VPS13D: variants seen among roughly 807,000 people sequenced by gnomAD.
The protein encoded by VPS13D is intermembrane lipid transfer protein VPS13D.
Under a neutral mutation model 461.9 loss-of-function variants are expected in VPS13D, and 187 were observed. The ratio of observed to expected loss-of-function variants is 0.40; its 90% CI spans 0.36 to 0.46. The LOEUF is 0.46. Ranked by LOEUF, VPS13D falls within the 20% of genes least tolerant of loss-of-function variation. The pLI is 0.60. For synonymous variants in VPS13D, 1,951 were observed against 1,986.3 expected, an observed-to-expected ratio of 0.98 and a Z score of 0.47; for missense variants, 4,711 against 5,364.9, an observed-to-expected ratio of 0.88 and a Z score of 3.81.
rs929933848 is a variant in VPS13D, at chr1:12,507,409, C to T, written c.13035+316C>T. The T allele has an allele frequency of 3.6e-6, 2 of 559,790 alleles. No homozygotes were observed. The highest frequency in any genetic ancestry group is 6.9e-6 in the Non-Finnish European group (2 of 289,526). The allele number at this position is 559,790 out of a possible 1,614,324, so 34.7% of individuals were successfully genotyped here. A position where few individuals can be genotyped will look rare whatever the true frequency, so the allele number is the denominator to read the frequency against. On this transcript the variant is annotated intron_variant, in intron 69 of 69. Coordinates refer to ENST00000620676, the MANE Select transcript of VPS13D (RefSeq NM_015378.4). The surrounding 1 kb of genome is among the most constrained non-coding windows in gnomAD (Gnocchi z 5.3). ...GATAAGGAACAGCTAACACAACACA[C>T]AGGGTTTTTCTGCTCCCAAAATGGG...
At chr1:12,325,843 C>T (rs1213655391) in intron 35 of VPS13D, among the ~76,000 whole-genome samples, 1 of 151,988 alleles carries the variant, frequency 6.6e-6, no homozygotes, top group Non-Finnish European at 1.5e-5. Context: ...ATTATACACA[C>T]TTCTATGTAG....
chr1:12,366,046 C>CA (rs1363775719), intron 52 of VPS13D, among the ~76,000 whole-genome samples: 1 of 151,404 alleles, frequency 6.6e-6, no homozygotes, highest in African/African-American at 2.4e-5. Context: ...TATAGGCATG[C>CA]ACCACCATGC....
At position 12,291,050 on chromosome 1, in the gene VPS13D, C is replaced by G. The variant is rs1442831003; in HGVS notation, c.5778C>G (p.Leu1926=). 1 of 1,613,976 alleles carries G rather than the reference C, an allele frequency of 6.2e-7. No homozygotes were observed. Among genetic ancestry groups the G allele is most frequent in the African/African-American group, 1.3e-5 (1 of 74,928 alleles). The part of the protein sequence containing the change: ...GSIGSLSLSD[L]TCHGEFYRER... ...TTGGGAGTCTGTCTCTAAGTGACCT[C>G]ACATGCCATGGAGAGTTCTACAGAG... Residue 1926 remains leucine (L), a synonymous_variant, in exon 23 of 70, where the codon CTC becomes CTG. Transcript: ENST00000620676.
chr1:12,509,165 A>C lies in VPS13D; in HGVS notation c.*141A>C. 6.9e-6 allele frequency: 7 copies of C among 1,014,610 alleles called. No individual in the cohort carries two copies. Among genetic ancestry groups the C allele is most frequent in the South Asian group, 2.3e-5 (1 of 43,282 alleles). The allele number at this position is 1,014,610 out of a possible 1,614,324, so 62.9% of individuals were successfully genotyped here. On this transcript the variant is annotated 3_prime_UTR_variant, in exon 70 of 70. Coordinates refer to ENST00000620676, the MANE Select transcript of VPS13D (RefSeq NM_015378.4). ...AAGGAATGAGGGAAAGTAAATCCTCATGAGGAAAAGTACAAATGGAAATCG... is the reference window on the plus strand; with the variant it reads ...AAGGAATGAGGGAAAGTAAATCCTCCTGAGGAAAAGTACAAATGGAAATCG...
chr1:12,372,272 G>A (rs922574650), intron 54 of VPS13D, among the ~76,000 whole-genome samples: 1 of 151,976 alleles, frequency 6.6e-6, no homozygotes, highest in South Asian at 2.1e-4. Flanking sequence ...TTTTGCCCAG[G>A]CTGGTCTCAA....
At chr1:12,287,640 A>G (rs1642011770) in intron 21 of VPS13D, among the ~76,000 whole-genome samples, 1 of 152,232 alleles carries the variant, frequency 6.6e-6, no homozygotes, top group Admixed American at 6.5e-5. Context: ...TTTAATAGTT[A>G]CAATTACAAT....
Position 12,381,968 on chromosome 1 carries a change from TTCTTTCTTTCTTTC to T in VPS13D, c.11191-1004_11191-991del, listed in dbSNP as rs1269263768. Among the ~76,000 whole-genome samples, 317 of 141,756 alleles carry T rather than the reference TTCTTTCTTTCTTTC, an allele frequency of 2.2e-3. 1 individual carries two copies. The highest frequency in any genetic ancestry group is 0.011 in the East Asian group (56 of 4,946). The allele number at this position is 141,756 out of a possible 152,430, so 93.0% of individuals were successfully genotyped here. ...TTTCTTTCTTTCTTTCTTTCTTTCT[TTCTTTCTTTCTTTC>T]TCTCTCTCTCTCTCCTTCCTTCCTT... On this transcript the variant is annotated intron_variant, in intron 57 of 69. Coordinates refer to ENST00000620676, the MANE Select transcript of VPS13D (RefSeq NM_015378.4).
At chr1:12,486,160 G>A (rs1404174623) in intron 67 of VPS13D, among the ~76,000 whole-genome samples, 2 of 152,196 alleles carry the variant, frequency 1.3e-5, no homozygotes, top group East Asian at 1.9e-4. Context: ...CAAGGAGAAG[G>A]TACCATCTCT....
rs1248090814 is a variant in VPS13D, at chr1:12,511,978, G to A, written c.*2954G>A. 6.6e-6 allele frequency: 1 copy of A among 152,152 alleles called. No individual in the cohort carries two copies. Among genetic ancestry groups the A allele is most frequent in the African/African-American group, 2.4e-5 (1 of 41,428 alleles). 9.4% of individuals were successfully genotyped at this position (152,152 alleles called of 1,614,324 possible). A position where few individuals can be genotyped will look rare whatever the true frequency, so the allele number is the denominator to read the frequency against. ...CAGTCACCAGTGTGTGAAGACTCTT[G>A]AGTCTGGTTCTCATATCAGAGTCAT... On this transcript the variant is annotated 3_prime_UTR_variant, in exon 70 of 70. Coordinates refer to ENST00000620676, the MANE Select transcript of VPS13D (RefSeq NM_015378.4). The surrounding 1 kb of genome is among the most constrained non-coding windows in gnomAD (Gnocchi z 4.5).
intron 67 of VPS13D, among the ~76,000 whole-genome samples, chr1:12,474,148 C>T (rs762781423): frequency 5.3e-5 from 8 of 151,946 alleles, no homozygotes; most frequent in African/African-American, 1.2e-4. Flanking sequence ...TGTTGTCTGC[C>T]GAGACTAGGA....
Position 12,327,731 on chromosome 1 carries a change from A to G in VPS13D, c.8074A>G (p.Ser2692Gly). Residue 2692 changes from serine to glycine, a missense_variant, in exon 36 of 70, where the codon AGC becomes GGC. Ser to Gly is a moderately conservative substitution (Grantham distance 56). This residue lies in a region of VPS13D where 4,411 missense variants were observed against 4,937.8 expected (regional missense o/e 0.89). Transcript: ENST00000620676. ...TTCCTTGGCCTCCACCAGCCGAGAT[A>G]GCCCAGGGGCTGTGGCAGCGCCATT... is the stretch of plus-strand genomic sequence containing the variant. ...SLSLASTSRDSPGAVAAPLIS... is the reference protein window; with the variant it reads ...SLSLASTSRDGPGAVAAPLIS... The G allele has an allele frequency of 6.2e-7, 1 of 1,614,180 alleles. No homozygotes were observed. Among genetic ancestry groups the G allele is most frequent in the Non-Finnish European group, 8.5e-7 (1 of 1,180,022 alleles).
At position 12,373,243 on chromosome 1, in the gene VPS13D, C is replaced by T. The variant is rs561700457; in HGVS notation, c.10809-507C>T. On this transcript the variant is annotated intron_variant, in intron 54 of 69. Coordinates refer to ENST00000620676, the MANE Select transcript of VPS13D (RefSeq NM_015378.4). ...TCAAGCAATTCTCATACCTCTGCCT[C>T]GTGAGTAACTGGGATTACAGGGGCC... 1.9e-3 allele frequency among the ~76,000 whole-genome samples: 286 copies of T among 151,508 alleles called. 1 individual carries two copies. The highest frequency in any genetic ancestry group is 6.4e-3 in the African/African-American group (265 of 41,258).
chr1:12,292,690 C>T (rs778138782), intron 23 of VPS13D, among the ~76,000 whole-genome samples: 10 of 152,064 alleles, frequency 6.6e-5, no homozygotes, highest in Admixed American at 1.3e-4. Flanking sequence ...CTACCGGCCT[C>T]GGCCTCCCAA....
At chr1:12,483,322 A>G (rs149201611) in intron 67 of VPS13D, among the ~76,000 whole-genome samples, 3 of 152,332 alleles carry the variant, frequency 2.0e-5, no homozygotes, top group Admixed American at 2.0e-4. Context: ...AAGAGTGAGT[A>G]TCTGTGTTAC....
At chr1:12,417,407 G>A (rs1009298181) in intron 65 of VPS13D, among the ~76,000 whole-genome samples, 7 of 152,190 alleles carry the variant, frequency 4.6e-5, no homozygotes, top group Admixed American at 3.9e-4. Context: ...GATTATATGC[G>A]AAGCTGGAAA....
At chr1:12,387,975 A>T (rs1644370496) in intron 60 of VPS13D, among the ~76,000 whole-genome samples, 4 of 152,274 alleles carry the variant, frequency 2.6e-5, no homozygotes, top group Admixed American at 2.0e-4. Flanking sequence ...AAAGAACATC[A>T]TCAGGCAGAA....
rs556006669 is a variant in VPS13D at position 12,290,029 on chromosome 1, GAT to G, written c.5726-967_5726-966del. Among the ~76,000 whole-genome samples the G allele has an allele frequency of 2.6e-4, 39 of 152,256 alleles. No homozygotes were observed. In the East Asian group the frequency reaches 7.3e-3, roughly 29 times the overall value. ...GTAATTGTTTTATCACGATAATTAT[GAT>G]AATAAATTTTGTTTTACAGAGGCAA... is the stretch of plus-strand genomic sequence containing the variant. On this transcript the variant is annotated intron_variant, in intron 22 of 69. Transcript: ENST00000620676.
chr1:12,285,434 G>T (rs983702443), intron 21 of VPS13D, among the ~76,000 whole-genome samples: 1 of 151,686 alleles, frequency 6.6e-6, no homozygotes, highest in African/African-American at 2.4e-5. Context: ...GGGATTACAG[G>T]TGCGCGCCGC....
chr1:12,426,217 T>A (rs1014573201), intron 65 of VPS13D, among the ~76,000 whole-genome samples: 1 of 152,190 alleles, frequency 6.6e-6, no homozygotes, highest in East Asian at 1.9e-4. Context: ...TTATTCAAAT[T>A]TAAATCATGT....
Sources: gnomAD v4.1 joint callset for allele counts (sites outside exome capture counted in the v4.1 genomes callset) on GRCh38, gnomAD v4.1.1 for gene constraint, gnomAD v4.1.1 regional missense constraint, Gnocchi (gnomAD v3.1) non-coding constraint, MANE v1.5 for transcripts, NCBI Gene and HGNC (gene_info 2026-07-23, HGNC 2026-07-21) for gene names.